Variants in ABCA4 observed in about 807,000 individuals in gnomAD.
ABCA4 encodes ATP binding cassette subfamily A member 4.
ABCA4 carries 196 observed loss-of-function variants against 263.7 expected under a neutral mutation model. The ratio of observed to expected loss-of-function variants is 0.74; its 90% CI spans 0.66 to 0.84. ABCA4 has a LOEUF of 0.84. ABCA4 is among the 40% of genes least tolerant of loss of function. The pLI, the probability that ABCA4 is intolerant of heterozygous loss-of-function variation, is 0.00. For synonymous variants in ABCA4, 1,133 were observed against 1,094.2 expected, an observed-to-expected ratio of 1.04 and a Z score of -0.70; for missense variants, 2,792 against 2,855.1, an observed-to-expected ratio of 0.98 and a Z score of 0.50.
Position 94,021,895 on chromosome 1 carries a change from G to A in ABCA4, c.4724C>T (p.Ala1575Val). Reference sequence around the variant, plus strand: ...AAGGTCGCTTAAAAACCCAACAAGTGCTTCCCCCGTGATGGGGACGACTGG... The same window carrying A: ...AAGGTCGCTTAAAAACCCAACAAGTACTTCCCCCGTGATGGGGACGACTGG... ...KLPVVPITGE[A>V]LVGFLSDLGR... The change falls in exon 33 of 50, where the codon GCA becomes GTA. Residue 1575 changes from alanine (A) to valine (V), a missense_variant. By Grantham distance (64) the Ala-to-Val change is moderately conservative (BLOSUM62 0). Transcript: ENST00000370225. 3 of 1,614,106 alleles carry A rather than the reference G, an allele frequency of 1.9e-6. No homozygotes were observed. The highest frequency in any genetic ancestry group is 1.1e-5 in the South Asian group (1 of 91,080).
At chr1:94,068,094 A>C (rs1334113134) in intron 11 of ABCA4, among the ~76,000 whole-genome samples, 1 of 152,198 alleles carries the variant, frequency 6.6e-6, no homozygotes, top group Non-Finnish European at 1.5e-5. Flanking sequence ...AACATATCCC[A>C]TCCTGAGCTG....
chr1:94,065,163 CT>C (rs935059235), intron 11 of ABCA4, among the ~76,000 whole-genome samples: 1 of 151,838 alleles, frequency 6.6e-6, no homozygotes, highest in African/African-American at 2.4e-5. Context: ...GCCTAGAGTT[CT>C]TCCTGCCACA....
chr1:94,106,523 A>C (rs1422907695), intron 4 of ABCA4, among the ~76,000 whole-genome samples: 1 of 152,174 alleles, frequency 6.6e-6, no homozygotes, highest in Non-Finnish European at 1.5e-5. Flanking sequence ...ACACAGGGGA[A>C]GGGGGATTTC....
In ABCA4 at chr1:94,073,847, T is replaced by C. The variant is rs150746612; in HGVS notation, c.1554+3843A>G. Reference sequence around the variant, plus strand: ...ATTCTTTATATACTTTGCAAAAACATTGTGAGAACCACTGAACTCCATGCT... The same window carrying C: ...ATTCTTTATATACTTTGCAAAAACACTGTGAGAACCACTGAACTCCATGCT... On this transcript the variant is annotated intron_variant, in intron 11 of 49. Coordinates refer to ENST00000370225, the MANE Select transcript of ABCA4 (RefSeq NM_000350.3). Among the ~76,000 whole-genome samples, 70 of 152,210 alleles carry C rather than the reference T, an allele frequency of 4.6e-4. 1 individual carries two copies. In the East Asian group the frequency reaches 0.013, roughly 27 times the overall value.
At chr1:94,106,430 A>G (rs550367472) in intron 4 of ABCA4, among the ~76,000 whole-genome samples, 204 of 152,220 alleles carry the variant, frequency 1.3e-3, no homozygotes, top group African/African-American at 4.8e-3. Flanking sequence ...TGGATGCATG[A>G]GGTATGTCAT....
Position 93,999,423 on chromosome 1 carries a change from T to C in ABCA4, c.6480-1313A>G, listed in dbSNP as rs890238443. 3.3e-5 allele frequency among the ~76,000 whole-genome samples: 5 copies of C among 152,248 alleles called. No homozygotes were observed. The East Asian group carries it at 9.7e-4, about 29-fold the overall frequency. ...ACGTGGACCAGTGCATACTGAGTGG[T>C]GGTAAGGGCTGATGGGCCAGGTGGG... On this transcript the variant is annotated intron_variant, in intron 47 of 49. Coordinates refer to ENST00000370225, the MANE Select transcript of ABCA4 (RefSeq NM_000350.3).
chr1:94,094,854 A>G (rs1258911868), intron 6 of ABCA4, among the ~76,000 whole-genome samples: 1 of 152,138 alleles, frequency 6.6e-6, no homozygotes, highest in Non-Finnish European at 1.5e-5. Context: ...AAACTGACAC[A>G]CCATTTTTAT....
chr1:94,102,447 T>C (rs1241131773), intron 5 of ABCA4, among the ~76,000 whole-genome samples: 2 of 151,948 alleles, frequency 1.3e-5, no homozygotes, highest in South Asian at 2.1e-4. Flanking sequence ...CAGACAACTC[T>C]GCTCAAATAC....
Position 94,121,121 on chromosome 1 carries a change from A to C in ABCA4, c.-76T>G. ...AGCAAAGGACATAAACGCCGTTAAG[A>C]GCGCCTCTGGCTCCGGACGCTGTGT... is the stretch of plus-strand genomic sequence containing the variant. On this transcript the variant is annotated 5_prime_UTR_variant, in exon 1 of 50. Coordinates refer to ENST00000370225, the MANE Select transcript of ABCA4 (RefSeq NM_000350.3). The C allele has an allele frequency of 7.2e-7, 1 of 1,390,552 alleles. No homozygotes were observed. Among genetic ancestry groups the C allele is most frequent in the Non-Finnish European group, 1.0e-6 (1 of 976,406 alleles). 86.1% of individuals were successfully genotyped at this position (1,390,552 alleles called of 1,614,324 possible).
Position 94,055,125 on chromosome 1 carries a change from TCAAGGTAC to T in ABCA4, c.2565_2572del (p.Trp855Ter). 1 of 1,614,102 alleles carries T rather than the reference TCAAGGTAC, an allele frequency of 6.2e-7. No individual in the cohort carries two copies. The highest frequency in any genetic ancestry group is 8.5e-7 in the Non-Finnish European group (1 of 1,180,004). On this transcript the variant is annotated stop_gained and frameshift_variant, in exon 16 of 50. Transcript: ENST00000370225. LOFTEE classifies it high-confidence loss of function. ...AGGATGCTTACCTGGAAACACCTGA[TCAAGGTAC>T]CAAGCGAGTAAGCCATAGACAGCAG...
chr1:94,047,768 T>C (rs933126498), intron 18 of ABCA4, among the ~76,000 whole-genome samples: 2 of 152,130 alleles, frequency 1.3e-5, no homozygotes, highest in African/African-American at 4.8e-5. Flanking sequence ...CGCTTCCTCA[T>C]CACCATCCCT....
At chr1:94,110,596 G>A (rs1195907690) in intron 3 of ABCA4, among the ~76,000 whole-genome samples, 2 of 152,158 alleles carry the variant, frequency 1.3e-5, no homozygotes, top group African/African-American at 4.8e-5. Context: ...GTGAGGGATG[G>A]CCCTGTCCAC....
Position 94,062,766 on chromosome 1 carries a change from A to G in ABCA4, c.1761-13T>C. ...AGAATCCCAATACCTGAGAAGACACAGAGGGACAAAGGATGGGAACGGGCT... is the reference window on the plus strand; with the variant it reads ...AGAATCCCAATACCTGAGAAGACACGGAGGGACAAAGGATGGGAACGGGCT... On this transcript the variant is annotated splice_polypyrimidine_tract_variant and intron_variant, in intron 12 of 49. Coordinates refer to ENST00000370225, the MANE Select transcript of ABCA4 (RefSeq NM_000350.3). 2 of 1,613,072 alleles carry G rather than the reference A, an allele frequency of 1.2e-6. No individual in the cohort carries two copies. The highest frequency in any genetic ancestry group is 1.7e-6 in the Non-Finnish European group (2 of 1,179,636).
intron 44 of ABCA4, among the ~76,000 whole-genome samples, chr1:94,003,325 A>T (rs532442070): frequency 2.3e-4 from 32 of 136,472 alleles, no homozygotes; most frequent in African/African-American, 7.2e-4. Context: ...GTCTTTTATG[A>T]CTCTTATGTT....
In ABCA4 at chr1:94,062,674, T is replaced by A; in HGVS notation, c.1840A>T (p.Met614Leu). The A allele has an allele frequency of 6.2e-7, 1 of 1,614,124 alleles. No individual in the cohort carries two copies. Among genetic ancestry groups the A allele is most frequent in the Non-Finnish European group, 8.5e-7 (1 of 1,180,022 alleles). ...IWGGFAYLQD[M>L]VEQGITRSQV... ...CTCCTTGTGATCCCCTGTTCAACCA[T>A]GTCCTGCAGATAGGCAAACCCGCCC... Residue 614 changes from methionine (M) to leucine (L), a missense_variant, in exon 13 of 50, where the codon ATG becomes TTG. Coordinates refer to ENST00000370225, the MANE Select transcript of ABCA4 (RefSeq NM_000350.3).
chr1:94,081,757 C>A (rs1043388833), intron 7 of ABCA4, among the ~76,000 whole-genome samples: 2 of 152,194 alleles, frequency 1.3e-5, no homozygotes, highest in Non-Finnish European at 2.9e-5. Context: ...TGTGGGCACC[C>A]TGTGGTGCTT....
At chr1:94,032,461 A>C (rs897512617) in intron 26 of ABCA4, among the ~76,000 whole-genome samples, 3 of 152,112 alleles carry the variant, frequency 2.0e-5, no homozygotes, top group Admixed American at 2.0e-4. Flanking sequence ...ACATAGTGAA[A>C]CCCCCTCTCT....
intron 6 of ABCA4, 103 bp from the exon 7 acceptor site, chr1:94,083,544 T>C (rs1237476717): frequency 3.8e-6 from 3 of 799,060 alleles, no homozygotes; most frequent in Non-Finnish European, 6.2e-6. Context: ...ACTCCCCCCC[T>C]CCTTCTTTCT....
At chr1:94,115,298 C>T (rs769630702) in intron 1 of ABCA4, among the ~76,000 whole-genome samples, 3 of 152,176 alleles carry the variant, frequency 2.0e-5, no homozygotes, top group African/African-American at 4.8e-5. Context: ...CTTTCTATCA[C>T]GTAGATCGGC....
Sources: allele counts gnomAD v4.1 joint callset (sites outside exome capture counted in the v4.1 genomes callset), GRCh38; gene constraint gnomAD v4.1.1; transcripts MANE v1.5; gene names NCBI Gene and HGNC (gene_info 2026-07-23, HGNC 2026-07-21).